Variants in ZNF704 observed in about 807,000 individuals in gnomAD.
ZNF704 encodes zinc finger protein 704, also known as glucocorticoid induced gene 1.
In ZNF704, 10 loss-of-function variants were observed where a neutral mutation model predicts 44.7. That is an observed-to-expected ratio of 0.22 (90% CI 0.14 to 0.38). ZNF704 has a LOEUF of 0.38. ZNF704 is among the 10% of genes least tolerant of loss of function. ZNF704 has a pLI of 1.00. For missense variants in ZNF704, 390 were observed against 545.5 expected (o/e 0.71, Z 2.84); for synonymous variants, 211 against 207.6 (o/e 1.02, Z -0.14).
At chr8:80,750,527 T>C (rs1198644740) in intron 2 of ZNF704, among the ~76,000 whole-genome samples, 4 of 145,598 alleles carry the variant, frequency 2.7e-5, no homozygotes, top group East Asian at 1.9e-4. Context: ...TTTTTTTTCT[T>C]TTTTTGAGAA....
At chr8:80,804,553 C>A (rs766764688) in intron 2 of ZNF704, among the ~76,000 whole-genome samples, 3 of 152,112 alleles carry the variant, frequency 2.0e-5, no homozygotes, top group Non-Finnish European at 4.4e-5. Flanking sequence ...AAGCCATTAT[C>A]CTCAGCAAAC....
chr8:80,713,654 T>C (rs531612376), intron 2 of ZNF704, among the ~76,000 whole-genome samples: 1 of 152,208 alleles, frequency 6.6e-6, no homozygotes, highest in Non-Finnish European at 1.5e-5. Context: ...AGTAAACTAA[T>C]GAGCAAGATA....
chr8:80,795,649 C>T (rs1807787228), intron 2 of ZNF704, among the ~76,000 whole-genome samples: 1 of 149,304 alleles, frequency 6.7e-6, no homozygotes, highest in Non-Finnish European at 1.5e-5. Context: ...ACCCAGGAGG[C>T]AGAGGCTGCA....
At chr8:80,869,978 C>A (rs1242322754) in intron 1 of ZNF704, among the ~76,000 whole-genome samples, 1 of 152,154 alleles carries the variant, frequency 6.6e-6, no homozygotes, top group Non-Finnish European at 1.5e-5. Context: ...AAGCTAGGAC[C>A]CTCAGTCCTA....
At chr8:80,748,742 A>C (rs1806890312) in intron 2 of ZNF704, among the ~76,000 whole-genome samples, 2 of 152,186 alleles carry the variant, frequency 1.3e-5, no homozygotes, top group African/African-American at 2.4e-5. Flanking sequence ...AACTTGGCTT[A>C]GAGTCGGAAA....
At chr8:80,770,526 A>G (rs1035983224) in intron 2 of ZNF704, among the ~76,000 whole-genome samples, 2 of 152,084 alleles carry the variant, frequency 1.3e-5, no homozygotes, top group East Asian at 3.9e-4. Context: ...CTGTCTGTTC[A>G]TGTTGTTTGC....
chr8:80,743,029 G>C (rs1806787515), intron 2 of ZNF704, among the ~76,000 whole-genome samples: 1 of 151,928 alleles, frequency 6.6e-6, no homozygotes, highest in Admixed American at 6.6e-5. Context: ...AAAAACAGGA[G>C]GTAAAGAAAT....
intron 2 of ZNF704, among the ~76,000 whole-genome samples, chr8:80,790,310 C>A (rs1479488166): frequency 1.3e-5 from 2 of 151,934 alleles, no homozygotes; most frequent in African/African-American, 4.8e-5. Context: ...AGTGGTTGGC[C>A]CTGAACTGGA....
At chr8:80,743,783 TAGAG>T (rs1033356920) in intron 2 of ZNF704, among the ~76,000 whole-genome samples, 3 of 152,186 alleles carry the variant, frequency 2.0e-5, no homozygotes, top group African/African-American at 7.2e-5. Context: ...ATGTGTAACA[TAGAG>T]ATAGAGATGT....
At chr8:80,758,277 A>G (rs904294387) in intron 2 of ZNF704, among the ~76,000 whole-genome samples, 2 of 152,178 alleles carry the variant, frequency 1.3e-5, no homozygotes, top group Non-Finnish European at 2.9e-5. Context: ...CTGGCTCTCA[A>G]CCTGTTGAAT....
chr8:80,752,752 G>C (rs1438212166), intron 2 of ZNF704, among the ~76,000 whole-genome samples: 5 of 152,090 alleles, frequency 3.3e-5, no homozygotes, highest in Non-Finnish European at 5.9e-5. Flanking sequence ...TGTTGGTCAG[G>C]CTGGTCTCAA....
chr8:80,698,736 G>A (rs1309334659), intron 2 of ZNF704, among the ~76,000 whole-genome samples: 2 of 152,216 alleles, frequency 1.3e-5, no homozygotes, highest in East Asian at 1.9e-4. Context: ...GGCAATCAGC[G>A]CAGTGCGCAG....
At chr8:80,852,727 G>A (rs1338346219) in intron 1 of ZNF704, among the ~76,000 whole-genome samples, 2 of 152,168 alleles carry the variant, frequency 1.3e-5, no homozygotes, top group African/African-American at 2.4e-5. Context: ...GTTGTGCATC[G>A]AAAAAACACA....
chr8:80,663,457 A>G (rs1006255087), intron 6 of ZNF704, among the ~76,000 whole-genome samples: 35 of 151,844 alleles, frequency 2.3e-4, no homozygotes, highest in African/African-American at 7.7e-4. Context: ...AGGTCTTCTC[A>G]GACTTTAGCA....
chr8:80,822,555 T>C (rs943148888), intron 1 of ZNF704, among the ~76,000 whole-genome samples: 1 of 152,238 alleles, frequency 6.6e-6, no homozygotes, highest in African/African-American at 2.4e-5. Flanking sequence ...CCTTTGGGTA[T>C]ATACCCAGTA....
intron 2 of ZNF704, among the ~76,000 whole-genome samples, chr8:80,741,883 C>A (rs1220003501): frequency 6.6e-6 from 1 of 152,142 alleles, no homozygotes; most frequent in Non-Finnish European, 1.5e-5. Flanking sequence ...GTAATCCCCT[C>A]ACTCCAAGAA....
At position 80,874,406 on chromosome 8, in the gene ZNF704, G is replaced by A. The variant is rs1809326939; in HGVS notation, c.-22+165C>T. Among the ~76,000 whole-genome samples, 1 of 148,418 alleles carries A rather than the reference G, an allele frequency of 6.7e-6. No individual in the cohort carries two copies. The highest frequency in any genetic ancestry group is 2.4e-5 in the African/African-American group (1 of 40,998). On this transcript the variant is annotated intron_variant, in intron 1 of 8. Transcript: ENST00000327835. This position sits in a 1 kb window ranked among gnomAD's most constrained non-coding sequence, Gnocchi z 4.4. Reference sequence around the variant, plus strand: ...GCCGAGCCCGCGCGCGCCTCTCCCGGCCGGCTGCGCCCGCGCGCTCCGGGC... The same window carrying A: ...GCCGAGCCCGCGCGCGCCTCTCCCGACCGGCTGCGCCCGCGCGCTCCGGGC...
intron 2 of ZNF704, among the ~76,000 whole-genome samples, chr8:80,787,519 T>G (rs1032540175): frequency 1.3e-5 from 2 of 152,226 alleles, no homozygotes; most frequent in Admixed American, 1.3e-4. Context: ...AACATGCACC[T>G]ATAGTCTTAC....
chr8:80,737,008 G>C (rs1427932364), intron 2 of ZNF704, among the ~76,000 whole-genome samples: 1 of 151,866 alleles, frequency 6.6e-6, no homozygotes, highest in Non-Finnish European at 1.5e-5. Flanking sequence ...TCCAAGTAGA[G>C]AGGAAATGGG....
Sources: gnomAD v4.1 joint callset for allele counts (sites outside exome capture counted in the v4.1 genomes callset) on GRCh38, gnomAD v4.1.1 for gene constraint, Gnocchi (gnomAD v3.1) non-coding constraint, MANE v1.5 for transcripts, NCBI Gene and HGNC (gene_info 2026-07-23, HGNC 2026-07-21) for gene names.